Variants in ACYP2 observed in about 807,000 individuals in gnomAD.
The protein encoded by ACYP2 is acylphosphatase 2, also known as acylphosphatase-2.
In ACYP2, 12 loss-of-function variants were observed where a neutral mutation model predicts 11.2. The observed-to-expected ratio is 1.08, with a 90% CI of 0.69 to 1.74. The LOEUF (loss-of-function observed/expected upper bound fraction) is 1.74. Ranked by LOEUF, ACYP2 falls within the 40% of genes most tolerant of loss-of-function variation. The probability of loss-of-function intolerance (pLI) is 0.00; values close to 1 mark genes in which losing one functional copy is unlikely to be tolerated. For missense variants in ACYP2, 134 were observed against 101.9 expected (o/e 1.31, Z -1.35); for synonymous variants, 43 against 32.2 (o/e 1.33, Z -1.13).
intron 6 of ACYP2, among the ~76,000 whole-genome samples, chr2:54,244,588 C>T (rs188429218): frequency 3.3e-5 from 5 of 152,242 alleles, no homozygotes; most frequent in Admixed American, 6.5e-5. Context: ...TTCTGAATTT[C>T]CTGTTCTGTT....
intron 6 of ACYP2, among the ~76,000 whole-genome samples, chr2:54,217,829 C>T (rs1342602824): frequency 6.6e-6 from 1 of 152,112 alleles, no homozygotes; most frequent in Non-Finnish European, 1.5e-5. Context: ...TAGAGAATAG[C>T]ATGATAACTG....
chr2:54,091,354 A>C (rs1331315549), intron 4 of ACYP2, among the ~76,000 whole-genome samples: 2 of 152,152 alleles, frequency 1.3e-5, no homozygotes, highest in Non-Finnish European at 2.9e-5. Flanking sequence ...AGATGAGAAA[A>C]AATGTTGCAG....
intron 6 of ACYP2, among the ~76,000 whole-genome samples, chr2:54,189,023 A>T (rs1684127624): frequency 6.6e-6 from 1 of 152,206 alleles, no homozygotes. Flanking sequence ...ACATGCTGTG[A>T]TATCTCTTTC....
chr2:54,085,486 TG>T (rs1348199851), intron 4 of ACYP2, among the ~76,000 whole-genome samples: 1 of 152,222 alleles, frequency 6.6e-6, no homozygotes, highest in Non-Finnish European at 1.5e-5. Flanking sequence ...TTCTTAAATG[TG>T]TATATAGCTC....
chr2:54,040,014 C>A (rs1404766131), intron 2 of ACYP2, among the ~76,000 whole-genome samples: 1 of 151,882 alleles, frequency 6.6e-6, no homozygotes, highest in Non-Finnish European at 1.5e-5. Flanking sequence ...AGCCACTGTG[C>A]CTGGCCCAGG....
chr2:54,118,278 T>C (rs978268113), intron 4 of ACYP2, among the ~76,000 whole-genome samples: 1 of 152,218 alleles, frequency 6.6e-6, no homozygotes, highest in East Asian at 1.9e-4. Flanking sequence ...AAACACGTAA[T>C]GTAAAATACG....
intron 6 of ACYP2, among the ~76,000 whole-genome samples, chr2:54,196,271 A>G (rs1341729309): frequency 6.6e-6 from 1 of 152,106 alleles, no homozygotes; most frequent in African/African-American, 2.4e-5. Context: ...ATCTTGGCTC[A>G]CTGAAACCTC....
At chr2:54,056,995 A>G (rs1341743570) in intron 3 of ACYP2, among the ~76,000 whole-genome samples, 1 of 152,228 alleles carries the variant, frequency 6.6e-6, no homozygotes, top group African/African-American at 2.4e-5. Flanking sequence ...ACACCAAAAC[A>G]TTAATTCCAT....
intron 6 of ACYP2, among the ~76,000 whole-genome samples, chr2:54,139,076 T>C (rs1200503203): frequency 6.6e-6 from 1 of 152,208 alleles, no homozygotes; most frequent in Non-Finnish European, 1.5e-5. Flanking sequence ...ATTCTCAGAG[T>C]TGGGAGTAGC....
chr2:54,097,965 CT>C lies in ACYP2; in HGVS notation c.278-37473del, dbSNP rs527656550. On this transcript the variant is annotated intron_variant, in intron 4 of 6. Transcript: ENST00000607452. ...CCTTGTTTCTTTCTCTCCTTCCTTCCTTTTTTTTTTTTTTTGAGGTGGAGTC... is the reference window on the plus strand; with the variant it reads ...CCTTGTTTCTTTCTCTCCTTCCTTCCTTTTTTTTTTTTTTGAGGTGGAGTC... 1.5e-3 allele frequency among the ~76,000 whole-genome samples: 171 copies of C among 117,188 alleles called. 1 individual carries two copies. Among genetic ancestry groups the C allele is most frequent in the Admixed American group, 2.5e-3 (28 of 11,022 alleles). The allele number at this position is 117,188 out of a possible 152,430, so 76.9% of individuals were successfully genotyped here.
chr2:54,041,531 A>C (rs1235378901), intron 2 of ACYP2, among the ~76,000 whole-genome samples: 2 of 152,198 alleles, frequency 1.3e-5, no homozygotes, highest in Non-Finnish European at 2.9e-5. Context: ...GGCTTACTCA[A>C]AACTTATGAT....
chr2:54,276,576 GAA>G, intron 6 of ACYP2, among the ~76,000 whole-genome samples: 1 of 149,386 alleles, frequency 6.7e-6, no homozygotes. Context: ...CTTTGATCAT[GAA>G]AACCACATTT....
Position 54,069,578 on chromosome 2 carries a change from C to T in ACYP2, c.277+12218C>T, listed in dbSNP as rs1344714445. Among the ~76,000 whole-genome samples, 4 of 152,230 alleles carry T rather than the reference C, an allele frequency of 2.6e-5. No individual in the cohort carries two copies. In the East Asian group the frequency reaches 7.7e-4, roughly 29 times the overall value. ...TCGGGAGGCTGAGGCAGGAGGATGG[C>T]ATGAACCCGGGAGGCGGAGCTTGCA... On this transcript the variant is annotated intron_variant, in intron 4 of 6. Coordinates refer to ENST00000607452, the MANE Select transcript of ACYP2 (RefSeq NM_001320586.2).
At chr2:54,282,956 A>G (rs968930958) in intron 6 of ACYP2, among the ~76,000 whole-genome samples, 1 of 152,200 alleles carries the variant, frequency 6.6e-6, no homozygotes, top group African/African-American at 2.4e-5. Context: ...TCCTGTTTGA[A>G]GTTTTACAAT....
At chr2:54,168,204 C>G (rs1461114062) in intron 6 of ACYP2, among the ~76,000 whole-genome samples, 1 of 152,106 alleles carries the variant, frequency 6.6e-6, no homozygotes, top group Non-Finnish European at 1.5e-5. Context: ...GTGAGCAGAT[C>G]ACTTGAGGTC....
At chr2:53,973,658 A>G in intron 1 of ACYP2, 1 of 215,116 alleles carries the variant, frequency 4.6e-6, no homozygotes, top group East Asian at 9.1e-5. Flanking sequence ...CACCTATTCC[A>G]AAACCTATAA....
intron 6 of ACYP2, among the ~76,000 whole-genome samples, chr2:54,296,599 C>A (rs1689533750): frequency 6.6e-6 from 1 of 152,072 alleles, no homozygotes; most frequent in African/African-American, 2.4e-5. Context: ...GTTTATGATC[C>A]TCATCAAACA....
intron 6 of ACYP2, among the ~76,000 whole-genome samples, chr2:54,269,386 C>T (rs1167422245): frequency 6.6e-6 from 1 of 152,110 alleles, no homozygotes; most frequent in African/African-American, 2.4e-5. Context: ...AGATGAAGAC[C>T]TTTATCTAAA....
chr2:54,236,726 A>G (rs1205994476), intron 6 of ACYP2, among the ~76,000 whole-genome samples: 1 of 152,178 alleles, frequency 6.6e-6, no homozygotes, highest in Non-Finnish European at 1.5e-5. Flanking sequence ...TTCAAATTTT[A>G]CATATCGTTA....
Sources: allele counts gnomAD v4.1 joint callset (sites outside exome capture counted in the v4.1 genomes callset), GRCh38; gene constraint gnomAD v4.1.1; transcripts MANE v1.5; gene names NCBI Gene and HGNC (gene_info 2026-07-23, HGNC 2026-07-21).